The following DHRSX variants were observed in gnomAD, a reference collection of about 807,000 sequenced individuals.
The protein encoded by DHRSX is dehydrogenase/reductase X-linked, also known as polyprenol dehydrogenase.
Under a neutral mutation model 34.0 loss-of-function variants are expected in DHRSX, and 31 were observed. That is an observed-to-expected ratio of 0.91 (90% CI 0.69 to 1.23). DHRSX has a LOEUF of 1.23. Ranked by LOEUF, DHRSX falls within the 50% of genes most tolerant of loss-of-function variation. The pLI is 0.00. For synonymous variants in DHRSX, 201 were observed against 183.8 expected (o/e 1.09, Z -0.76); for missense variants, 414 against 428.1 (o/e 0.97, Z 0.29).
At chrX:2,250,318 A>G (rs1414753859) in intron 5 of DHRSX, among the ~76,000 whole-genome samples, 1 of 152,040 alleles carries the variant, frequency 6.6e-6, no homozygotes, top group Non-Finnish European at 1.5e-5. Context: ...GGATCTCGTG[A>G]GAAAGAACTC....
At chrX:2,385,841 A>G (rs1350777385) in intron 3 of DHRSX, among the ~76,000 whole-genome samples, 1 of 152,108 alleles carries the variant, frequency 6.6e-6, no homozygotes, top group East Asian at 1.9e-4. Context: ...TTTGGGAGTA[A>G]AACGGTTTAC....
chrX:2,482,936 TA>T (rs1217689417), intron 1 of DHRSX, among the ~76,000 whole-genome samples: 1 of 152,082 alleles, frequency 6.6e-6, no homozygotes, highest in African/African-American at 2.4e-5. Flanking sequence ...TCAGCAATGC[TA>T]CCAAAACAGG....
chrX:2,323,850 G>A (rs771267261), intron 3 of DHRSX, among the ~76,000 whole-genome samples: 4 of 151,942 alleles, frequency 2.6e-5, no homozygotes, highest in South Asian at 2.1e-4. Context: ...AGGGGCTTCC[G>A]GTTTCTCCTC....
rs2016206745 is a variant in DHRSX at position 2,243,796 on chromosome X, T to G, written c.597-566A>C. On this transcript the variant is annotated intron_variant, in intron 5 of 6. Coordinates refer to ENST00000334651, the MANE Select transcript of DHRSX (RefSeq NM_145177.3). ...GAGCCACTATGCTCCCTGTTTTTTT[T>G]TTTTTTTTTTTTTTTTTTTTTTTTT... Among the ~76,000 whole-genome samples, 24 of 66,612 alleles carry G rather than the reference T, an allele frequency of 3.6e-4. 2 individuals carry two copies. Among genetic ancestry groups the G allele is most frequent in the African/African-American group, 1.8e-3 (21 of 11,476 alleles). 43.7% of individuals were successfully genotyped at this position (66,612 alleles called of 152,430 possible).
intron 3 of DHRSX, among the ~76,000 whole-genome samples, chrX:2,360,515 G>A (rs1173068340): frequency 1.1e-4 from 16 of 152,128 alleles, no homozygotes; most frequent in Non-Finnish European, 2.1e-4. Flanking sequence ...CCCGGGAGGC[G>A]GAGATTGCAG....
intron 3 of DHRSX, among the ~76,000 whole-genome samples, chrX:2,407,855 C>T (rs1033409329): frequency 1.3e-5 from 2 of 152,122 alleles, no homozygotes; most frequent in African/African-American, 4.8e-5. Context: ...GTTAGCTATA[C>T]TAAAAGCCCA....
intron 1 of DHRSX, among the ~76,000 whole-genome samples, chrX:2,467,978 AAAT>A (rs34767427): frequency 0.3 from 44,314 of 147,026 alleles, 7,140 homozygotes; most frequent in African/African-American, 0.42. Context: ...AAAAAAAAAA[AAAT>A]GTTGGACCAA....
intron 3 of DHRSX, among the ~76,000 whole-genome samples, chrX:2,344,914 T>TAC (rs2042685080): frequency 1.6e-5 from 2 of 122,768 alleles, no homozygotes; most frequent in South Asian, 2.6e-4. Flanking sequence ...TATATATATA[T>TAC]ACTGTATTTA....
chrX:2,496,565 C>A (rs572337305), intron 1 of DHRSX, among the ~76,000 whole-genome samples: 2 of 152,124 alleles, frequency 1.3e-5, no homozygotes, highest in Non-Finnish European at 2.9e-5. Context: ...GCACCAGAAT[C>A]TCACAAATCA....
At chrX:2,227,360 A>C (rs1337890038) in intron 6 of DHRSX, among the ~76,000 whole-genome samples, 3 of 142,280 alleles carry the variant, frequency 2.1e-5, no homozygotes, top group Admixed American at 1.4e-4. Flanking sequence ...AAAAAGAGGA[A>C]GAAGAAAGGA....
At chrX:2,407,775 A>C (rs1304617008) in intron 3 of DHRSX, among the ~76,000 whole-genome samples, 1 of 152,064 alleles carries the variant, frequency 6.6e-6, no homozygotes, top group Non-Finnish European at 1.5e-5. Context: ...GGAGACTCAG[A>C]AGGGTGGGAG....
rs758781817 is a variant in DHRSX, at chrX:2,488,200, TGA to T, written c.109+12615_109+12616del. On this transcript the variant is annotated intron_variant, in intron 1 of 6. Coordinates refer to ENST00000334651, the MANE Select transcript of DHRSX (RefSeq NM_145177.3). ...TCTCTTGTGTCTTCTTTTTTCTTTT[TGA>T]GAGAGTCTCGCTCTTGTCGCCCAGG... The T allele has an allele frequency of 3.8e-4, 63 of 164,144 alleles. No homozygotes were observed. In the East Asian group the frequency reaches 0.01, roughly 26 times the overall value. The allele number at this position is 164,144 out of a possible 1,614,324, so 10.2% of individuals were successfully genotyped here. A position where few individuals can be genotyped will look rare whatever the true frequency, so the allele number is the denominator to read the frequency against.
intron 3 of DHRSX, among the ~76,000 whole-genome samples, chrX:2,356,732 G>A (rs7055353): frequency 0.43 from 64,666 of 151,882 alleles, 14,702 homozygotes; most frequent in Non-Finnish European, 0.51. Context: ...GAAGACCTCG[G>A]GGATGATCCC....
At chrX:2,306,869 C>T (rs1011599720) in intron 3 of DHRSX, among the ~76,000 whole-genome samples, 13 of 151,050 alleles carry the variant, frequency 8.6e-5, no homozygotes, top group African/African-American at 2.4e-4. Context: ...CAGATTGGAA[C>T]CAGCTCTTCT....
At chrX:2,345,331 A>G (rs1382013206) in intron 3 of DHRSX, among the ~76,000 whole-genome samples, 1 of 152,020 alleles carries the variant, frequency 6.6e-6, no homozygotes, top group Non-Finnish European at 1.5e-5. Context: ...TGGTCTAATC[A>G]GTTGAAGGTC....
chrX:2,231,752 C>T (rs1174848480), intron 6 of DHRSX, among the ~76,000 whole-genome samples: 1 of 150,612 alleles, frequency 6.6e-6, no homozygotes, highest in Non-Finnish European at 1.5e-5. Context: ...TCCTCCACCT[C>T]GTCCTCTTCC....
intron 4 of DHRSX, among the ~76,000 whole-genome samples, chrX:2,286,692 G>GAAA (rs760386790): frequency 4.8e-5 from 7 of 146,868 alleles, no homozygotes; most frequent in African/African-American, 1.5e-4. Flanking sequence ...ACCCACAGAG[G>GAAA]AAAAAAAAAA....
At chrX:2,273,230 A>C (rs1193380714) in intron 4 of DHRSX, among the ~76,000 whole-genome samples, 2 of 152,154 alleles carry the variant, frequency 1.3e-5, no homozygotes, top group Non-Finnish European at 2.9e-5. Flanking sequence ...TAATCAAACA[A>C]AACAATACAA....
chrX:2,298,215 C>T (rs1220878857), intron 3 of DHRSX, among the ~76,000 whole-genome samples: 1 of 151,744 alleles, frequency 6.6e-6, no homozygotes, highest in Non-Finnish European at 1.5e-5. Flanking sequence ...TCCCCTAGAG[C>T]GTCTGGATGG....
Sources: allele counts gnomAD v4.1 joint callset (sites outside exome capture counted in the v4.1 genomes callset), GRCh38; gene constraint gnomAD v4.1.1; transcripts MANE v1.5; gene names NCBI Gene and HGNC (gene_info 2026-07-23, HGNC 2026-07-21).